ARHGEF10L: variants seen among roughly 807,000 people sequenced by gnomAD.
The protein encoded by ARHGEF10L is Rho guanine nucleotide exchange factor 10 like.
In ARHGEF10L, 69 loss-of-function variants were observed where a neutral mutation model predicts 141.2. The ratio of observed to expected loss-of-function variants is 0.49; its 90% confidence interval spans 0.40 to 0.60. The LOEUF is 0.60. Ranked by LOEUF, ARHGEF10L falls within the 20% of genes least tolerant of loss-of-function variation. The pLI is 0.00. For missense variants in ARHGEF10L, 1,482 were observed against 1,734.3 expected, an observed-to-expected ratio of 0.85 and a Z score of 2.58; for synonymous variants, 711 against 718.5, an observed-to-expected ratio of 0.99 and a Z score of 0.17.
chr1:17,634,343 C>T (rs972008113), intron 16 of ARHGEF10L: 8 of 748,732 alleles, frequency 1.1e-5, no homozygotes, highest in East Asian at 5.0e-5. Context: ...AGCTTCCTAG[C>T]GGGGCTGTTG....
At chr1:17,602,258 A>C in intron 5 of ARHGEF10L, 40 bp downstream of exon 5, 1 of 1,542,630 alleles carries the variant, frequency 6.5e-7, no homozygotes, top group Non-Finnish European at 8.8e-7. Flanking sequence ...CCCAGGTAGC[A>C]AGCTCCAGGA....
rs560059633 is a variant in ARHGEF10L, at chr1:17,644,328, C to G, written c.2272+4026C>G. Among the ~76,000 whole-genome samples the G allele has an allele frequency of 6.6e-6, 1 of 152,362 alleles. No individual in the cohort carries two copies. The highest frequency in any genetic ancestry group is 6.5e-5 in the Admixed American group (1 of 15,306). ...GCCCTGGCAGAGTGTGAAGTGTGTT[C>G]TAGACCTCAGCATGTCCTTGAACCC... On this transcript the variant is annotated intron_variant, in intron 21 of 28. Coordinates refer to ENST00000361221, the MANE Select transcript of ARHGEF10L (RefSeq NM_018125.4). The surrounding 1 kb of genome is among the most constrained non-coding windows in gnomAD (Gnocchi z 4.5).
At chr1:17,612,793 G>A (rs1011322985) in intron 7 of ARHGEF10L, among the ~76,000 whole-genome samples, 1 of 152,206 alleles carries the variant, frequency 6.6e-6, no homozygotes, top group East Asian at 1.9e-4. Context: ...CCGCCTCTCC[G>A]CCCCAGCAGC....
At position 17,622,879 on chromosome 1, in the gene ARHGEF10L, G is replaced by A. The variant is rs970806843; in HGVS notation, c.1021-117G>A. ...AGGACGCATGAGGAGTGAGGGATGA[G>A]TGCCTCCCCTCCGTGCCACGGGAAG... On this transcript the variant is annotated intron_variant, in intron 11 of 28. Coordinates refer to ENST00000361221, the MANE Select transcript of ARHGEF10L (RefSeq NM_018125.4). 4.6e-6 allele frequency: 5 copies of A among 1,079,266 alleles called. No individual in the cohort carries two copies. The African/African-American group carries it at 7.9e-5, about 17-fold the overall frequency. 66.9% of individuals were successfully genotyped at this position (1,079,266 alleles called of 1,614,324 possible).
Position 17,656,795 on chromosome 1 carries a change from C to T in ARHGEF10L, c.2860+87C>T, listed in dbSNP as rs966330398. 10 of 1,477,740 alleles carry T rather than the reference C, an allele frequency of 6.8e-6. No homozygotes were observed. Among genetic ancestry groups the T allele is most frequent in the Non-Finnish European group, 9.1e-6 (10 of 1,097,170 alleles). The allele number at this position is 1,477,740 out of a possible 1,614,324, so 91.5% of individuals were successfully genotyped here. A position where few individuals can be genotyped will look rare whatever the true frequency, so the allele number is the denominator to read the frequency against. On this transcript the variant is annotated intron_variant, in intron 25 of 28. Transcript: ENST00000361221. The surrounding 1 kb of genome is among the most constrained non-coding windows in gnomAD (Gnocchi z 4.9). ...CTCTACCAAGAGAGGATACAGGAGG[C>T]TGGGCAGGAATGAATTGGGAAATCT...
chr1:17,697,321 G>A lies in ARHGEF10L; in HGVS notation c.3781G>A (p.Ala1261Thr), dbSNP rs755291497. The change falls in exon 29 of 29, where the codon GCC becomes ACC. Residue 1261 changes from alanine to threonine, a missense_variant. Transcript: ENST00000361221. This position sits in a 1 kb window ranked among gnomAD's most constrained non-coding sequence, Gnocchi z 4.8. ...GSALGSSGRQ[A>T]PCGETDSTLL... ...CGCTCTGGGCAGCAGTGGGAGGCAG[G>A]CCCCGTGTGGGGAGACGGACAGCAC... The A allele has an allele frequency of 7.4e-6, 12 of 1,611,990 alleles. No individual in the cohort carries two copies. In the South Asian group the frequency reaches 1.1e-4, roughly 15 times the overall value.
intron 3 of ARHGEF10L, 105 bp from the exon 4 acceptor site, chr1:17,588,341 C>T: frequency 7.6e-7 from 1 of 1,317,252 alleles, no homozygotes; most frequent in Non-Finnish European, 1.1e-6. Context: ...TGGCCAGGCC[C>T]TGTCTGCGGC....
At chr1:17,612,920 C>T (rs560654714) in intron 7 of ARHGEF10L, 138 bp from the exon 8 acceptor site, 20 of 636,096 alleles carry the variant, frequency 3.1e-5, no homozygotes, top group South Asian at 2.4e-4. Flanking sequence ...CCTGGGGTGC[C>T]GCATCCCGCC....
chr1:17,603,494 C>T lies in ARHGEF10L; in HGVS notation c.350-14C>T, dbSNP rs750980255. On this transcript the variant is annotated splice_polypyrimidine_tract_variant and intron_variant, in intron 5 of 28. Coordinates refer to ENST00000361221, the MANE Select transcript of ARHGEF10L (RefSeq NM_018125.4). The surrounding 1 kb of genome is among the most constrained non-coding windows in gnomAD (Gnocchi z 4.8). ...AGCCCACGGTGGTGCTCTCTCTCCC[C>T]ACTTCCCTCCCAGTTGACCGGTTCA... is the stretch of plus-strand genomic sequence containing the variant. 6.2e-7 allele frequency: 1 copy of T among 1,610,946 alleles called. No homozygotes were observed. Among genetic ancestry groups the T allele is most frequent in the East Asian group, 2.2e-5 (1 of 44,830 alleles).
the ARHGEF10L span, among the ~76,000 whole-genome samples, chr1:17,528,113 G>A: frequency 1.3e-5 from 2 of 151,876 alleles, no homozygotes; most frequent in African/African-American, 4.8e-5. Flanking sequence ...ACCTGCCTTG[G>A]TCTCCCAAAA....
At chr1:17,571,958 A>G (rs985116110) in intron 1 of ARHGEF10L, among the ~76,000 whole-genome samples, 4 of 151,982 alleles carry the variant, frequency 2.6e-5, no homozygotes, top group Non-Finnish European at 4.4e-5. Flanking sequence ...TCCTTACCCC[A>G]TCTCATTTCT....
At chr1:17,549,109 G>A (rs1193513361) in intron 1 of ARHGEF10L, among the ~76,000 whole-genome samples, 2 of 151,694 alleles carry the variant, frequency 1.3e-5, no homozygotes, top group African/African-American at 4.8e-5. Flanking sequence ...TGCATCCTCT[G>A]CATCCTGGGT....
intron 26 of ARHGEF10L, among the ~76,000 whole-genome samples, chr1:17,668,216 T>A (rs145080588): frequency 2.6e-5 from 4 of 152,366 alleles, no homozygotes; most frequent in Non-Finnish European, 5.9e-5. Context: ...ATATGTCGTT[T>A]ATTTGGAAAA....
At chr1:17,593,545 G>A (rs1429110706) in intron 4 of ARHGEF10L, among the ~76,000 whole-genome samples, 1 of 152,152 alleles carries the variant, frequency 6.6e-6, no homozygotes, top group Non-Finnish European at 1.5e-5. Flanking sequence ...CACGCTCCTG[G>A]CCTTGGAAAT....
In ARHGEF10L at chr1:17,576,535, G is replaced by A. The variant is rs115743192; in HGVS notation, c.-43-4018G>A. On this transcript the variant is annotated intron_variant, in intron 1 of 28. Transcript: ENST00000361221. The stretch of plus-strand genomic sequence containing the variant: ...AAGGGGAACTGTTCAGTGTCCGCCT[G>A]TTCCTTGGGTTTGGTGGTCATTGTT... Among the ~76,000 whole-genome samples the A allele has an allele frequency of 5.8e-3, 888 of 152,246 alleles. 11 individuals are homozygous for A. Among genetic ancestry groups the A allele is most frequent in the African/African-American group, 0.021 (874 of 41,534 alleles).
At chr1:17,671,027 T>C (rs2063286156) in intron 26 of ARHGEF10L, among the ~76,000 whole-genome samples, 3 of 152,262 alleles carry the variant, frequency 2.0e-5, no homozygotes, top group Admixed American at 2.0e-4. Context: ...CTTCAGAGTG[T>C]TGGTCACTTT....
intron 7 of ARHGEF10L, among the ~76,000 whole-genome samples, chr1:17,612,562 CTTCCA>C (rs776371401): frequency 1.1e-4 from 16 of 152,292 alleles, no homozygotes; most frequent in South Asian, 8.3e-4. Context: ...TTCTTCTACC[CTTCCA>C]TTCATCTTTC....
At chr1:17,629,285 C>A (rs772000163) in intron 15 of ARHGEF10L, among the ~76,000 whole-genome samples, 4 of 152,082 alleles carry the variant, frequency 2.6e-5, no homozygotes, top group Non-Finnish European at 4.4e-5. Context: ...CCTCAGCCTC[C>A]CAAAGTGTTG....
chr1:17,650,869 C>A (rs552042999), intron 22 of ARHGEF10L, among the ~76,000 whole-genome samples: 4 of 152,124 alleles, frequency 2.6e-5, no homozygotes, highest in Non-Finnish European at 5.9e-5. Flanking sequence ...TTGCCTCAGG[C>A]ACAAAATTTC....
Sources: allele counts gnomAD v4.1 joint callset (sites outside exome capture counted in the v4.1 genomes callset), GRCh38; gene constraint gnomAD v4.1.1; non-coding constraint Gnocchi (gnomAD v3.1); transcripts MANE v1.5; gene names NCBI Gene and HGNC (gene_info 2026-07-23, HGNC 2026-07-21).